KPNA3: variants seen among roughly 807,000 people sequenced by gnomAD.
KPNA3 encodes karyopherin subunit alpha 3.
Under a neutral mutation model 73.8 loss-of-function variants are expected in KPNA3, and 13 were observed. The ratio of observed to expected loss-of-function variants is 0.18; its 90% CI spans 0.11 to 0.28. KPNA3 has a LOEUF of 0.28. KPNA3 is among the 10% of genes least tolerant of loss of function. The probability of loss-of-function intolerance (pLI) is 1.00; values close to 1 mark genes in which losing one functional copy is unlikely to be tolerated. For missense variants in KPNA3, 360 were observed against 618.1 expected, an observed-to-expected ratio of 0.58 and a Z score of 4.43; for synonymous variants, 186 against 206.9, an observed-to-expected ratio of 0.90 and a Z score of 0.87.
At chr13:49,732,800 T>G in intron 3 of KPNA3, 24 bp from the exon 4 acceptor site, 1 of 1,524,704 alleles carries the variant, frequency 6.6e-7, no homozygotes, top group Non-Finnish European at 9.0e-7. Flanking sequence ...AAAAAATAGT[T>G]CAGCAGAGTT....
At chr13:49,791,741 C>G (rs1399955814) in intron 1 of KPNA3, among the ~76,000 whole-genome samples, 1 of 152,242 alleles carries the variant, frequency 6.6e-6, no homozygotes, top group Admixed American at 6.5e-5. Flanking sequence ...AGATGGCAAA[C>G]TATTGTCCAC....
At chr13:49,716,251 T>C (rs1285847123) in intron 10 of KPNA3, among the ~76,000 whole-genome samples, 1 of 152,184 alleles carries the variant, frequency 6.6e-6, no homozygotes, top group Non-Finnish European at 1.5e-5. Context: ...CTTTGATCTA[T>C]ATTAGCCTTT....
At chr13:49,762,665 T>A (rs1954777131) in intron 1 of KPNA3, among the ~76,000 whole-genome samples, 1 of 151,990 alleles carries the variant, frequency 6.6e-6, no homozygotes, top group African/African-American at 2.4e-5. Flanking sequence ...GCTTGAAGGC[T>A]GCATGCTCGT....
At chr13:49,740,760 TCTAA>T (rs921781024) in intron 2 of KPNA3, among the ~76,000 whole-genome samples, 2 of 152,106 alleles carry the variant, frequency 1.3e-5, no homozygotes, top group Non-Finnish European at 2.9e-5. Flanking sequence ...ATCCCTCCTA[TCTAA>T]CTGAAATTTT....
intron 2 of KPNA3, among the ~76,000 whole-genome samples, chr13:49,738,644 T>A (rs1309561154): frequency 6.6e-6 from 1 of 152,226 alleles, no homozygotes; most frequent in East Asian, 1.9e-4. Context: ...AATTTTGGTT[T>A]CTGCATGTTC....
At chr13:49,703,023 C>T (rs1389084969) in intron 15 of KPNA3, among the ~76,000 whole-genome samples, 6 of 150,420 alleles carry the variant, frequency 4.0e-5, no homozygotes, top group African/African-American at 7.3e-5. Context: ...CGCCCGCCAC[C>T]ACACCCGGCT....
intron 1 of KPNA3, among the ~76,000 whole-genome samples, chr13:49,780,025 T>C (rs1485524620): frequency 6.6e-6 from 1 of 152,150 alleles, no homozygotes. Context: ...TCTCCTAATA[T>C]GATTTGGTTC....
rs756259647 is a variant in KPNA3, at chr13:49,792,434, T to G, written c.69+4A>C. The G allele has an allele frequency of 1.3e-6, 2 of 1,563,640 alleles. No individual in the cohort carries two copies. Among genetic ancestry groups the G allele is most frequent in the Non-Finnish European group, 1.7e-6 (2 of 1,156,958 alleles). The stretch of plus-strand genomic sequence containing the variant: ...GCGGGCCCAGACCGCGGAAGCACAC[T>G]CACTTCCACATCGCGGCCCTTGTTC... On this transcript the variant is annotated splice_donor_region_variant and intron_variant, in intron 1 of 16. Coordinates refer to ENST00000261667, the MANE Select transcript of KPNA3 (RefSeq NM_002267.4).
rs948931902 is a variant in KPNA3, at chr13:49,746,009, G to C, written c.114+940C>G. 2.8e-5 allele frequency among the ~76,000 whole-genome samples: 4 copies of C among 141,368 alleles called. No homozygotes were observed. In the Admixed American group the frequency reaches 3.0e-4, roughly 11 times the overall value. The allele number at this position is 141,368 out of a possible 152,430, so 92.7% of individuals were successfully genotyped here. A position where few individuals can be genotyped will look rare whatever the true frequency, so the allele number is the denominator to read the frequency against. ...ACCCGGGAGGCGGAGGTTGCAGTGA[G>C]TCGAGATCACAGTACTGCACTCCAG... On this transcript the variant is annotated intron_variant, in intron 2 of 16. Transcript: ENST00000261667.
At chr13:49,748,637 T>C (rs1954638070) in intron 1 of KPNA3, among the ~76,000 whole-genome samples, 2 of 152,054 alleles carry the variant, frequency 1.3e-5, no homozygotes, top group South Asian at 2.1e-4. Flanking sequence ...ATAATCTAGA[T>C]ATAAACTTAA....
intron 1 of KPNA3, among the ~76,000 whole-genome samples, chr13:49,754,755 T>C (rs1029906044): frequency 4.6e-5 from 7 of 151,962 alleles, no homozygotes; most frequent in Non-Finnish European, 7.4e-5. Flanking sequence ...CAAACAACTC[T>C]ACACACACAA....
chr13:49,704,469 AT>A lies in KPNA3; in HGVS notation c.1372+1151del, dbSNP rs1253007676. Among the ~76,000 whole-genome samples, 66 of 118,780 alleles carry A rather than the reference AT, an allele frequency of 5.6e-4. No homozygotes were observed. In the East Asian group the frequency reaches 8.3e-3, roughly 15 times the overall value. 77.9% of individuals were successfully genotyped at this position (118,780 alleles called of 152,430 possible). A position where few individuals can be genotyped will look rare whatever the true frequency, so the allele number is the denominator to read the frequency against. Reference sequence around the variant, plus strand: ...AATAAATAAATAAATAAATAAATAAATAAATAAATAAATAGAAAGAAAGAAA... The same window carrying A: ...AATAAATAAATAAATAAATAAATAAAAAATAAATAAATAGAAAGAAAGAAA... On this transcript the variant is annotated intron_variant, in intron 15 of 16. Transcript: ENST00000261667.
chr13:49,725,531 G>C, intron 6 of KPNA3, 30 bp from the exon 7 acceptor site: 1 of 1,335,136 alleles, frequency 7.5e-7, no homozygotes, highest in Non-Finnish European at 1.1e-6. Context: ...CATCTTTTTA[G>C]ACACATAACT....
intron 7 of KPNA3, among the ~76,000 whole-genome samples, chr13:49,724,632 C>T (rs1022466279): frequency 1.3e-5 from 2 of 151,340 alleles, no homozygotes; most frequent in Admixed American, 1.3e-4. Context: ...GGGTCTCACT[C>T]TGTCGCCGGG....
intron 1 of KPNA3, among the ~76,000 whole-genome samples, chr13:49,792,053 G>A (rs1272418477): frequency 6.6e-6 from 1 of 152,176 alleles, no homozygotes; most frequent in Non-Finnish European, 1.5e-5. Context: ...TGCACCGGTG[G>A]CGGGCGCAAG....
chr13:49,713,500 T>A (rs1954278765), intron 10 of KPNA3, among the ~76,000 whole-genome samples: 1 of 151,890 alleles, frequency 6.6e-6, no homozygotes, highest in South Asian at 2.1e-4. Context: ...AAAGAAAACA[T>A]CAATAAATTA....
At chr13:49,784,529 T>C (rs1223340256) in intron 1 of KPNA3, among the ~76,000 whole-genome samples, 1 of 152,238 alleles carries the variant, frequency 6.6e-6, no homozygotes, top group Non-Finnish European at 1.5e-5. Context: ...AGTATTCATC[T>C]ATAGATGAAT....
chr13:49,702,523 G>C (rs753027452), intron 15 of KPNA3, 43 bp from the exon 16 acceptor site: 7 of 1,037,468 alleles, frequency 6.7e-6, no homozygotes, highest in African/African-American at 1.6e-5. Flanking sequence ...TAATTGATAA[G>C]GAGATACTAA....
At chr13:49,787,833 C>G (rs1954997266) in intron 1 of KPNA3, among the ~76,000 whole-genome samples, 1 of 152,154 alleles carries the variant, frequency 6.6e-6, no homozygotes, top group African/African-American at 2.4e-5. Context: ...GCACGCGCCA[C>G]CATGCCCGGC....
Sources: allele counts gnomAD v4.1 joint callset (sites outside exome capture counted in the v4.1 genomes callset), GRCh38; gene constraint gnomAD v4.1.1; transcripts MANE v1.5; gene names NCBI Gene and HGNC (gene_info 2026-07-23, HGNC 2026-07-21).